The following SH3PXD2A variants were observed in gnomAD, a reference collection of about 807,000 sequenced individuals.
SH3PXD2A encodes SH3 and PX domains 2A.
In SH3PXD2A, 32 loss-of-function variants were observed where a neutral mutation model predicts 115.2. The observed-to-expected ratio is 0.28, with a 90% CI of 0.21 to 0.37. The LOEUF (loss-of-function observed/expected upper bound fraction) is 0.37, where lower values mean the gene tolerates loss of function less well. SH3PXD2A is among the 10% of genes least tolerant of loss of function. The pLI, the probability that SH3PXD2A is intolerant of heterozygous loss-of-function variation, is 1.00. For synonymous variants in SH3PXD2A, 610 were observed against 629.1 expected, an observed-to-expected ratio of 0.97 and a Z score of 0.45; for missense variants, 1,328 against 1,498.7, an observed-to-expected ratio of 0.89 and a Z score of 1.88.
chr10:103,617,127 G>A, intron 11 of SH3PXD2A, 70 bp downstream of exon 11: 3 of 1,077,050 alleles, frequency 2.8e-6, no homozygotes, highest in South Asian at 1.3e-5. Context: ...GGTGGCCATG[G>A]CCACTTTGCA....
chr10:103,809,498 C>A (rs2039243069), intron 1 of SH3PXD2A, among the ~76,000 whole-genome samples: 1 of 152,144 alleles, frequency 6.6e-6, no homozygotes, highest in Non-Finnish European at 1.5e-5. Context: ...CCAGATGGAC[C>A]TTCTCTGGGG....
intron 6 of SH3PXD2A, chr10:103,673,212 ACTT>A (rs552937787): frequency 1.3e-3 from 194 of 152,230 alleles, no homozygotes; most frequent in African/African-American, 4.5e-3. Flanking sequence ...TACACGTCAA[ACTT>A]CTTCTTCCAC....
intron 8 of SH3PXD2A, among the ~76,000 whole-genome samples, chr10:103,634,380 C>T (rs1038393389): frequency 4.6e-5 from 7 of 152,180 alleles, no homozygotes; most frequent in Admixed American, 3.3e-4. Context: ...CTGAGCAGGG[C>T]GGTCTGTGTT....
intron 2 of SH3PXD2A, among the ~76,000 whole-genome samples, chr10:103,799,607 G>A (rs1564891914): frequency 6.6e-6 from 1 of 152,264 alleles, no homozygotes; most frequent in Non-Finnish European, 1.5e-5. Flanking sequence ...CTGCAATGCA[G>A]GAGTGGGTGG....
intron 6 of SH3PXD2A, among the ~76,000 whole-genome samples, chr10:103,676,261 T>G (rs1378343852): frequency 6.6e-6 from 1 of 152,154 alleles, no homozygotes; most frequent in African/African-American, 2.4e-5. Context: ...TTCCCTGGAA[T>G]CCAGAACACG....
chr10:103,657,057 G>T (rs1251899350), intron 8 of SH3PXD2A, among the ~76,000 whole-genome samples: 1 of 151,768 alleles, frequency 6.6e-6, no homozygotes, highest in Non-Finnish European at 1.5e-5. Flanking sequence ...CCCTAGAGGG[G>T]AGTAAAAATT....
intron 5 of SH3PXD2A, among the ~76,000 whole-genome samples, chr10:103,702,585 C>CTGTGTGTGCGCGTG (rs1554913245): frequency 3.0e-5 from 1 of 32,984 alleles, no homozygotes; most frequent in Non-Finnish European, 6.2e-5. Flanking sequence ...AGATGTAAGC[C>CTGTGTGTGCGCGTG]TGTGTGTGTG....
chr10:103,767,395 C>T (rs1471285214), intron 2 of SH3PXD2A, among the ~76,000 whole-genome samples: 2 of 152,114 alleles, frequency 1.3e-5, no homozygotes, highest in Admixed American at 1.3e-4. Context: ...TCTCAGTGAG[C>T]GGGTAGGAGT....
intron 2 of SH3PXD2A, among the ~76,000 whole-genome samples, chr10:103,796,097 T>C (rs2039085616): frequency 1.3e-5 from 2 of 152,084 alleles, no homozygotes; most frequent in Non-Finnish European, 2.9e-5. Flanking sequence ...TGGTGGCTGA[T>C]GCCTGTAATC....
At chr10:103,624,440 C>A (rs368477793) in intron 9 of SH3PXD2A, among the ~76,000 whole-genome samples, 82 of 152,326 alleles carry the variant, frequency 5.4e-4, no homozygotes, top group East Asian at 4.8e-3. Flanking sequence ...TAACACACCT[C>A]TCCTGGTTCA....
chr10:103,781,770 G>A (rs1363101472), intron 2 of SH3PXD2A, among the ~76,000 whole-genome samples: 1 of 152,216 alleles, frequency 6.6e-6, no homozygotes, highest in Non-Finnish European at 1.5e-5. Flanking sequence ...TCCCCCGGAA[G>A]GACTGAGAAG....
rs573105881 is a variant in SH3PXD2A at position 103,743,825 on chromosome 10, G to A, written c.230-8017C>T. ...AGAATTTAGTTTCTTTAAGATTTTCGTCAAGATATATCAACTTTTTCCTGG... is the reference window on the plus strand; with the variant it reads ...AGAATTTAGTTTCTTTAAGATTTTCATCAAGATATATCAACTTTTTCCTGG... On this transcript the variant is annotated intron_variant, in intron 3 of 14. Transcript: ENST00000369774. Among the ~76,000 whole-genome samples, 15 of 152,276 alleles carry A rather than the reference G, an allele frequency of 9.9e-5. No homozygotes were observed. The East Asian group carries it at 1.2e-3, about 12-fold the overall frequency.
intron 1 of SH3PXD2A, among the ~76,000 whole-genome samples, chr10:103,804,016 C>T (rs905145103): frequency 6.6e-6 from 1 of 152,112 alleles, no homozygotes; most frequent in African/African-American, 2.4e-5. Flanking sequence ...AGAGTTACTA[C>T]CATTAGAAAG....
At chr10:103,622,618 G>A in intron 9 of SH3PXD2A, 65 bp from the exon 10 acceptor site, 1 of 661,384 alleles carries the variant, frequency 1.5e-6, no homozygotes, top group African/African-American at 1.8e-5. Context: ...TGGAGATGAG[G>A]ATGAGATGGG....
In SH3PXD2A at chr10:103,611,618, A is replaced by C. The variant is rs202011870; in HGVS notation, c.1271T>G (p.Leu424Arg). 1.4e-4 allele frequency: 225 copies of C among 1,614,094 alleles called. 1 individual carries two copies. In the East Asian group the frequency reaches 3.4e-3, roughly 25 times the overall value. ...PQRAQISSPN[L>R]RTRPPPRRES... ...TCTGCGTGGTGGAGGTCTTGTCCGTAGGTTCGGGGAGCCTAGAGGAAGAGA... is the reference window on the plus strand; with the variant it reads ...TCTGCGTGGTGGAGGTCTTGTCCGTCGGTTCGGGGAGCCTAGAGGAAGAGA... The change falls in exon 13 of 15, where the codon CTA becomes CGA. Residue 424 changes from leucine to arginine, a missense_variant. Leu to Arg is a moderately radical substitution (Grantham distance 102). Transcript: ENST00000369774.
intron 2 of SH3PXD2A, among the ~76,000 whole-genome samples, chr10:103,778,466 C>T (rs2038901704): frequency 6.6e-6 from 1 of 152,246 alleles, no homozygotes; most frequent in Non-Finnish European, 1.5e-5. Context: ...TAGTGGAATG[C>T]TTGAGGGCTG....
intron 2 of SH3PXD2A, among the ~76,000 whole-genome samples, chr10:103,772,320 C>A (rs934839369): frequency 5.3e-5 from 8 of 152,232 alleles, no homozygotes; most frequent in Non-Finnish European, 8.8e-5. Flanking sequence ...CTGAGCGGGG[C>A]TGTCTCCTGA....
chr10:103,602,180 C>G lies in SH3PXD2A; in HGVS notation c.3038G>C (p.Arg1013Pro). 1.3e-6 allele frequency: 2 copies of G among 1,574,418 alleles called. No individual in the cohort carries two copies. The highest frequency in any genetic ancestry group is 1.7e-6 in the Non-Finnish European group (2 of 1,158,566). ...LTATDGLRGV[R>P]RNSSFSTARS... Reference sequence around the variant, plus strand: ...AGCAGTGCTAAAGGAGGAGTTCCGTCGGACGCCTCGGAGGCCATCAGTGGC... The same window carrying G: ...AGCAGTGCTAAAGGAGGAGTTCCGTGGGACGCCTCGGAGGCCATCAGTGGC... The change falls in exon 15 of 15, where the codon CGA (arginine) becomes CCA (proline). Residue 1013 changes from arginine to proline, a missense_variant. By Grantham distance (103) the Arg-to-Pro change is moderately radical (BLOSUM62 -2). Around this residue, in one of 5 missense-constraint regions of SH3PXD2A, gnomAD observed 574 missense variants for 565.7 expected, o/e 1.01. Coordinates refer to ENST00000369774, the MANE Select transcript of SH3PXD2A (RefSeq NM_001394015.1).
intron 5 of SH3PXD2A, among the ~76,000 whole-genome samples, chr10:103,712,329 G>C (rs117111021): frequency 1.3e-5 from 2 of 152,180 alleles, no homozygotes; most frequent in African/African-American, 4.8e-5. Context: ...AGCCATCTGC[G>C]TGCCCTCTGG....
Sources: allele counts gnomAD v4.1 joint callset (sites outside exome capture counted in the v4.1 genomes callset), GRCh38; gene constraint gnomAD v4.1.1; regional missense constraint gnomAD v4.1.1; transcripts MANE v1.5; gene names NCBI Gene and HGNC (gene_info 2026-07-23, HGNC 2026-07-21).